Variants in PBX3 observed in about 807,000 individuals in gnomAD.
PBX3 encodes pre-B-cell leukemia transcription factor 3.
In PBX3, 14 loss-of-function variants were observed where a neutral mutation model predicts 48.5. That is an observed-to-expected ratio of 0.29 (90% CI 0.19 to 0.45). The LOEUF (loss-of-function observed/expected upper bound fraction) is 0.45. Among genes scored for constraint, PBX3 ranks in the 20% least tolerant of loss-of-function variants. PBX3 has a pLI of 1.00. For synonymous variants in PBX3, 210 were observed against 200.3 expected (o/e 1.05, Z -0.41); for missense variants, 386 against 546.7 (o/e 0.71, Z 2.93).
At chr9:125,939,842 C>G (rs1220777128) in intron 5 of PBX3, among the ~76,000 whole-genome samples, 1 of 152,070 alleles carries the variant, frequency 6.6e-6, no homozygotes, top group Non-Finnish European at 1.5e-5. Flanking sequence ...TAAAACCAAG[C>G]AAGCTAAACA....
Position 125,965,876 on chromosome 9 carries a change from TCTC to T in PBX3, c.1261_1263del (p.Pro421del), listed in dbSNP as rs773571000. The T allele has an allele frequency of 6.2e-6, 10 of 1,613,994 alleles. No individual in the cohort carries two copies. Among genetic ancestry groups the T allele is most frequent in the African/African-American group, 4.0e-5 (3 of 74,912 alleles). On this transcript the variant is annotated inframe_deletion, in exon 9 of 9. Coordinates refer to ENST00000373489, the MANE Select transcript of PBX3 (RefSeq NM_006195.6). ...CGCAACAACTCCATCTTCTGTGACT[TCTC>T]CTACAGAAGGCCCAGGAAGTGTGCA...
intron 2 of PBX3, among the ~76,000 whole-genome samples, chr9:125,801,411 C>T (rs543680854): frequency 2.0e-5 from 3 of 152,050 alleles, no homozygotes; most frequent in Non-Finnish European, 2.9e-5. Context: ...AACTCTGGCT[C>T]CTTTTATTTT....
intron 2 of PBX3, among the ~76,000 whole-genome samples, chr9:125,913,799 A>G (rs1221997607): frequency 1.3e-5 from 2 of 152,222 alleles, no homozygotes; most frequent in South Asian, 2.1e-4. Flanking sequence ...ACCAGTGTCT[A>G]TGTAAATACA....
At chr9:125,949,589 T>C in intron 5 of PBX3, 1 of 1,247,848 alleles carries the variant, frequency 8.0e-7, no homozygotes, top group Non-Finnish European at 1.0e-6. Context: ...TGATGAGAAT[T>C]AATTATATAT....
chr9:125,755,672 G>GTTTT (rs11310993), intron 2 of PBX3, among the ~76,000 whole-genome samples: 70 of 95,184 alleles, frequency 7.4e-4, no homozygotes, highest in Non-Finnish European at 8.0e-4. Context: ...GAGGAGCTTT[G>GTTTT]TTTTTTTTTT....
chr9:125,825,056 A>G (rs1838768099), intron 2 of PBX3, among the ~76,000 whole-genome samples: 1 of 152,142 alleles, frequency 6.6e-6, no homozygotes, highest in Middle Eastern at 3.2e-3. Flanking sequence ...AGGCTGAGGC[A>G]GTGGATCACT....
At chr9:125,886,029 C>G (rs1362872753) in intron 2 of PBX3, among the ~76,000 whole-genome samples, 1 of 152,052 alleles carries the variant, frequency 6.6e-6, no homozygotes, top group Non-Finnish European at 1.5e-5. Flanking sequence ...TTAATAGTGA[C>G]TGCTAGGTAT....
intron 4 of PBX3, 37 bp downstream of exon 4, chr9:125,929,882 C>T: frequency 7.0e-7 from 1 of 1,435,834 alleles, no homozygotes; most frequent in African/African-American, 1.4e-5. Context: ...TGGCTTTCCC[C>T]CGTCTGTCAC....
rs1564681272 is a variant in PBX3 at position 125,835,051 on chromosome 9, A to AAT, written c.275-80635_275-80634insAT. On this transcript the variant is annotated intron_variant, in intron 2 of 8. Coordinates refer to ENST00000373489, the MANE Select transcript of PBX3 (RefSeq NM_006195.6). ...AAAAAAAAAAAAAAAAAAAAAAAAA[A>AAT]GGGCAAAAGATATGAAAAGACAAGT... Among the ~76,000 whole-genome samples the AAT allele has an allele frequency of 1.7e-4, 18 of 108,058 alleles. 5 individuals are homozygous for AAT. Among genetic ancestry groups the AAT allele is most frequent in the African/African-American group, 6.8e-4 (18 of 26,364 alleles). 70.9% of individuals were successfully genotyped at this position (108,058 alleles called of 152,430 possible). A position where few individuals can be genotyped will look rare whatever the true frequency, so the allele number is the denominator to read the frequency against.
At chr9:125,826,135 T>G (rs1008829843) in intron 2 of PBX3, among the ~76,000 whole-genome samples, 22 of 152,194 alleles carry the variant, frequency 1.4e-4, no homozygotes, top group African/African-American at 5.1e-4. Context: ...TGAATAGAGA[T>G]TCTCGCCTAG....
At chr9:125,853,304 A>C (rs1839632208) in intron 2 of PBX3, among the ~76,000 whole-genome samples, 1 of 152,196 alleles carries the variant, frequency 6.6e-6, no homozygotes, top group African/African-American at 2.4e-5. Context: ...GTATACTTTT[A>C]CTCTGATGCT....
intron 2 of PBX3, among the ~76,000 whole-genome samples, chr9:125,809,805 T>G (rs1838234856): frequency 6.6e-6 from 1 of 152,144 alleles, no homozygotes; most frequent in African/African-American, 2.4e-5. Flanking sequence ...AGATCACTGG[T>G]CAGGATGTTT....
chr9:125,885,843 A>G (rs2132365544), intron 2 of PBX3, among the ~76,000 whole-genome samples: 1 of 151,990 alleles, frequency 6.6e-6, no homozygotes, highest in Non-Finnish European at 1.5e-5. Flanking sequence ...ATAAGTGTTT[A>G]CATTGGGGAT....
intron 5 of PBX3, among the ~76,000 whole-genome samples, chr9:125,950,929 AGAAAT>A (rs1842182514): frequency 2.0e-5 from 3 of 152,368 alleles, no homozygotes; most frequent in South Asian, 4.1e-4. Context: ...ACAATGAAAA[AGAAAT>A]GAAATTGAGT....
At chr9:125,912,409 C>A (rs574469312) in intron 2 of PBX3, among the ~76,000 whole-genome samples, 1 of 152,208 alleles carries the variant, frequency 6.6e-6, no homozygotes, top group South Asian at 2.1e-4. Context: ...TATTTATTGC[C>A]CTCCAAATGC....
At chr9:125,881,276 A>G (rs1840374903) in intron 2 of PBX3, among the ~76,000 whole-genome samples, 1 of 152,230 alleles carries the variant, frequency 6.6e-6, no homozygotes, top group Non-Finnish European at 1.5e-5. Flanking sequence ...AGAGCTTGGC[A>G]GCTGGCATCA....
chr9:125,807,685 T>G (rs1838167199), intron 2 of PBX3, among the ~76,000 whole-genome samples: 1 of 151,962 alleles, frequency 6.6e-6, no homozygotes, highest in Non-Finnish European at 1.5e-5. Flanking sequence ...AGATTATTAT[T>G]GTTAGAAACA....
intron 2 of PBX3, among the ~76,000 whole-genome samples, chr9:125,777,027 T>TTTTTTTTTA (rs1837091407): frequency 1.3e-5 from 2 of 151,598 alleles, no homozygotes; most frequent in Admixed American, 6.6e-5. Context: ...TTTTTTTTTT[T>TTTTTTTTTA]GAGACGGAGT....
chr9:125,955,953 G>T (rs1480238270), intron 5 of PBX3, among the ~76,000 whole-genome samples: 1 of 152,168 alleles, frequency 6.6e-6, no homozygotes, highest in Admixed American at 6.5e-5. Context: ...TTTCGCAGTT[G>T]GTTATTTAAA....
Sources: gnomAD v4.1 joint callset for allele counts (sites outside exome capture counted in the v4.1 genomes callset) on GRCh38, gnomAD v4.1.1 for gene constraint, MANE v1.5 for transcripts, NCBI Gene and HGNC (gene_info 2026-07-23, HGNC 2026-07-21) for gene names.